The following EEIG2 variants were observed in gnomAD, a reference collection of about 807,000 sequenced individuals.
EEIG2 encodes family with sequence similarity 102 member B.
the EEIG2 span, among the ~76,000 whole-genome samples, chr1:108,618,198 G>C: frequency 1.3e-5 from 2 of 152,170 alleles, no homozygotes; most frequent in East Asian, 1.9e-4. Context: ...AAAAGGGACT[G>C]TTGCTAGAAC....
At chr1:108,587,678 C>A in the EEIG2 span, among the ~76,000 whole-genome samples, 3 of 152,094 alleles carry the variant, frequency 2.0e-5, no homozygotes, top group Non-Finnish European at 4.4e-5. Flanking sequence ...TTCCTATATC[C>A]TTGCAGGATT....
At chr1:108,603,228 A>T in the EEIG2 span, among the ~76,000 whole-genome samples, 1 of 152,218 alleles carries the variant, frequency 6.6e-6, no homozygotes, top group African/African-American at 2.4e-5. Context: ...GCATTTGCTG[A>T]TTTGCAAGTA....
At chr1:108,625,739 C>G in the EEIG2 span, 1 of 152,628 alleles carries the variant, frequency 6.6e-6, no homozygotes, top group Non-Finnish European at 1.5e-5. Context: ...TTCCCCCACT[C>G]TGCCCCAAAT....
At chr1:108,570,563 G>A in the EEIG2 span, among the ~76,000 whole-genome samples, 3 of 152,198 alleles carry the variant, frequency 2.0e-5, no homozygotes, top group Admixed American at 6.5e-5. Flanking sequence ...AGGAATGGGA[G>A]AGGAAGCTGA....
chr1:108,599,928 G>C, the EEIG2 span, among the ~76,000 whole-genome samples: 5 of 152,106 alleles, frequency 3.3e-5, no homozygotes, highest in African/African-American at 1.2e-4. Flanking sequence ...TCCAGGAGGC[G>C]GAGGTTGCAG....
chr1:108,637,658 T>C, the EEIG2 span: 1 of 152,190 alleles, frequency 6.6e-6, no homozygotes, highest in Non-Finnish European at 1.5e-5. Flanking sequence ...TTTCTAATTA[T>C]GTCTTTTCTA....
the EEIG2 span, among the ~76,000 whole-genome samples, chr1:108,579,772 T>TGTGTGTGTGTGA: frequency 8.5e-5 from 5 of 58,870 alleles, no homozygotes; most frequent in African/African-American, 3.3e-4. Flanking sequence ...TGTGTGTGTG[T>TGTGTGTGTGTGA]GAGAGAGAGA....
chr1:108,584,471 A>G, the EEIG2 span, among the ~76,000 whole-genome samples: 1 of 152,194 alleles, frequency 6.6e-6, no homozygotes, highest in South Asian at 2.1e-4. Flanking sequence ...TGAAATGAGG[A>G]ACTACCCATA....
At chr1:108,615,095 C>T in the EEIG2 span, among the ~76,000 whole-genome samples, 1 of 152,164 alleles carries the variant, frequency 6.6e-6, no homozygotes, top group African/African-American at 2.4e-5. Context: ...TACATGTCAT[C>T]CATTAGCTGC....
chr1:108,560,452 GT>G, the EEIG2 span: 1 of 1,609,986 alleles, frequency 6.2e-7, no homozygotes, highest in Non-Finnish European at 8.5e-7. Context: ...AGAAGTTTAA[GT>G]TTAAGGTGGA....
At chr1:108,612,328 A>G in the EEIG2 span, 1 of 1,403,994 alleles carries the variant, frequency 7.1e-7, no homozygotes, top group Non-Finnish European at 1.0e-6. Context: ...TGTCAAGAAT[A>G]AAATTATCTG....
At chr1:108,629,879 G>A in the EEIG2 span, 9 of 558,152 alleles carry the variant, frequency 1.6e-5, no homozygotes, top group South Asian at 1.7e-4. Context: ...AATTTCCTTA[G>A]AAATATTTTT....
the EEIG2 span, among the ~76,000 whole-genome samples, chr1:108,623,786 C>T: frequency 6.6e-6 from 1 of 152,212 alleles, no homozygotes; most frequent in South Asian, 2.1e-4. Context: ...ATTCTCCTTC[C>T]TCAGCCTCCT....
At chr1:108,592,224 C>T in the EEIG2 span, among the ~76,000 whole-genome samples, 2 of 152,310 alleles carry the variant, frequency 1.3e-5, no homozygotes, top group South Asian at 2.1e-4. Context: ...TAGGAAGTAA[C>T]ACAGGCAAGA....
chr1:108,570,194 TAGC>T, the EEIG2 span, among the ~76,000 whole-genome samples: 1 of 152,184 alleles, frequency 6.6e-6, no homozygotes, highest in Non-Finnish European at 1.5e-5. Context: ...GAGAATTCCT[TAGC>T]AGGGTTTTTT....
the EEIG2 span, among the ~76,000 whole-genome samples, chr1:108,630,255 T>C: frequency 6.6e-6 from 1 of 152,228 alleles, no homozygotes; most frequent in Admixed American, 6.5e-5. Flanking sequence ...TAACCTTTCT[T>C]GTACTCTCCT....
At chr1:108,586,920 A>G in the EEIG2 span, among the ~76,000 whole-genome samples, 1 of 152,140 alleles carries the variant, frequency 6.6e-6, no homozygotes, top group Non-Finnish European at 1.5e-5. Flanking sequence ...AGAACAAGTA[A>G]CCTACTAATT....
At chr1:108,612,261 C>CA in the EEIG2 span, 1 of 1,612,426 alleles carries the variant, frequency 6.2e-7, no homozygotes, top group Non-Finnish European at 8.5e-7. Flanking sequence ...GCTATGATAC[C>CA]AAAAATACAA....
At chr1:108,606,261 A>T in the EEIG2 span, 1 of 1,551,200 alleles carries the variant, frequency 6.4e-7, no homozygotes, top group Non-Finnish European at 8.8e-7. Context: ...AGGTAAGCAG[A>T]TGTTCTTTTA....
Sources: gnomAD v4.1 joint callset for allele counts (sites outside exome capture counted in the v4.1 genomes callset) on GRCh38, gnomAD v4.1.1 for gene constraint, MANE v1.5 for transcripts, NCBI Gene and HGNC (gene_info 2026-07-23, HGNC 2026-07-21) for gene names.